Variants in NOX5 observed in about 807,000 individuals in gnomAD.
The protein encoded by NOX5 is NADPH oxidase 5.
Under a neutral mutation model 85.7 loss-of-function variants are expected in NOX5, and 76 were observed. That is an observed-to-expected ratio of 0.89 (90% CI 0.74 to 1.07). NOX5 has a LOEUF of 1.07. Among genes scored for constraint, NOX5 ranks in the 50% least tolerant of loss-of-function variants. The pLI is 0.00. For missense variants in NOX5, 973 were observed against 999.5 expected (o/e 0.97, Z 0.36); for synonymous variants, 405 against 401.4 (o/e 1.01, Z -0.11).
chr15:69,056,801 G>A lies in NOX5; in HGVS notation c.*105G>A. ...CAGCCTCAGATGACCCACCCAATAAGACAAAGCCTAGGGACCCCCTAATCC... is the reference window on the plus strand; with the variant it reads ...CAGCCTCAGATGACCCACCCAATAAAACAAAGCCTAGGGACCCCCTAATCC... On this transcript the variant is annotated 3_prime_UTR_variant, in exon 16 of 16. Coordinates refer to ENST00000388866, the MANE Select transcript of NOX5 (RefSeq NM_024505.4). 1.4e-6 allele frequency: 2 copies of A among 1,429,646 alleles called. No individual in the cohort carries two copies. The highest frequency in any genetic ancestry group is 1.9e-6 in the Non-Finnish European group (2 of 1,062,362). 88.6% of individuals were successfully genotyped at this position (1,429,646 alleles called of 1,614,324 possible).
intron 3 of NOX5, chr15:69,029,698 G>A (rs1251530981): frequency 7.2e-6 from 1 of 138,628 alleles, no homozygotes; most frequent in African/African-American, 2.8e-5. Flanking sequence ...TTTTTTTTCT[G>A]AGATGGAGTC....
chr15:69,039,041 G>A (rs34990910), intron 9 of NOX5, 52 bp downstream of exon 9: 67,015 of 1,595,492 alleles, frequency 0.042, 2,803 homozygotes, highest in East Asian at 0.23. Flanking sequence ...AGTTCCTACC[G>A]TGGGCCAAGT....
chr15:69,040,961 G>A (rs2050587510), intron 9 of NOX5, among the ~76,000 whole-genome samples: 1 of 152,178 alleles, frequency 6.6e-6, no homozygotes, highest in Non-Finnish European at 1.5e-5. Context: ...TGGGATTACA[G>A]GCATAAGCCA....
At position 69,035,393 on chromosome 15, in the gene NOX5, A is replaced by G; in HGVS notation, c.895A>G (p.Thr299Ala). ...LRRCLTWLRATWLAQVLPLDQ... is the reference protein window; with the variant it reads ...LRRCLTWLRAAWLAQVLPLDQ... ...ACGCTGCCTCACCTGGCTGCGGGCC[A>G]CGTGGCTGGCTCAAGTCCTACCACT... The change falls in exon 6 of 16, where the codon ACG becomes GCG. Residue 299 changes from threonine (T) to alanine (A), a missense_variant. Thr to Ala is a moderately conservative substitution (Grantham distance 58). Coordinates refer to ENST00000388866, the MANE Select transcript of NOX5 (RefSeq NM_024505.4). 1.9e-6 allele frequency: 3 copies of G among 1,614,200 alleles called. No homozygotes were observed. The highest frequency in any genetic ancestry group is 1.1e-5 in the South Asian group (1 of 91,084).
At position 69,062,246 on chromosome 15, in the gene NOX5, G is replaced by T. The variant is rs964376611; in HGVS notation, c.*5550G>T. The T allele has an allele frequency of 3.3e-5, 5 of 151,902 alleles. No individual in the cohort carries two copies. The highest frequency in any genetic ancestry group is 7.4e-5 in the Non-Finnish European group (5 of 67,960). 9.4% of individuals were successfully genotyped at this position (151,902 alleles called of 1,614,324 possible). A position where few individuals can be genotyped will look rare whatever the true frequency, so the allele number is the denominator to read the frequency against. ...CCTTAAATTGCCTATTGCCTGAATTGGTGCATCAGAGACAGGCTGGAGAAA... is the reference window on the plus strand; with the variant it reads ...CCTTAAATTGCCTATTGCCTGAATTTGTGCATCAGAGACAGGCTGGAGAAA... On this transcript the variant is annotated 3_prime_UTR_variant, in exon 16 of 16. Transcript: ENST00000388866.
At position 69,057,240 on chromosome 15, in the gene NOX5, T is replaced by C. The variant is rs564293796; in HGVS notation, c.*544T>C. On this transcript the variant is annotated 3_prime_UTR_variant, in exon 16 of 16. Coordinates refer to ENST00000388866, the MANE Select transcript of NOX5 (RefSeq NM_024505.4). Reference sequence around the variant, plus strand: ...AGTTCCTCCTCCCTCTTTCCATCTGTCAATTTATCTGATTTTTTGGATGCA... The same window carrying C: ...AGTTCCTCCTCCCTCTTTCCATCTGCCAATTTATCTGATTTTTTGGATGCA... 6.6e-6 allele frequency: 1 copy of C among 152,458 alleles called. No homozygotes were observed. Among genetic ancestry groups the C allele is most frequent in the Admixed American group, 6.5e-5 (1 of 15,310 alleles). 9.4% of individuals were successfully genotyped at this position (152,458 alleles called of 1,614,324 possible).
chr15:69,033,056 C>T lies in NOX5; in HGVS notation c.634C>T (p.Leu212=), dbSNP rs777941352. ...CCTCTCTCGCAGCGCTGCCCACTGG[C>T]TGACGGCCCCCGCCCCCCGCCCACG... ...ENLTISAAHW[L]TAPAPRPRPR... The change falls in exon 5 of 16, where the codon CTG becomes TTG. Residue 212 remains leucine (L), a synonymous_variant. Coordinates refer to ENST00000388866, the MANE Select transcript of NOX5 (RefSeq NM_024505.4). 4 of 1,554,180 alleles carry T rather than the reference C, an allele frequency of 2.6e-6. No individual in the cohort carries two copies. The highest frequency in any genetic ancestry group is 3.4e-6 in the Non-Finnish European group (4 of 1,164,476).
intron 5 of NOX5, among the ~76,000 whole-genome samples, chr15:69,033,524 GCTGAGCAC>G (rs1482349645): frequency 6.6e-6 from 1 of 152,132 alleles, no homozygotes; most frequent in Non-Finnish European, 1.5e-5. Flanking sequence ...CAGGCACGGT[GCTGAGCAC>G]GCTCCATTTG....
chr15:69,024,662 T>A (rs780803627), intron 1 of NOX5, among the ~76,000 whole-genome samples: 1 of 152,226 alleles, frequency 6.6e-6, no homozygotes, highest in Non-Finnish European at 1.5e-5. Context: ...TGTTAATTTC[T>A]TACTGTAGCT....
chr15:69,035,797 G>A lies in NOX5; in HGVS notation c.1049G>A (p.Trp350Ter), dbSNP rs779817373. ...AQAEASPFQF[W>*]ELLLTTRPGI... Reference sequence around the variant, plus strand: ...GCGGAGGCCAGCCCTTTCCAGTTCTGGGAGCTGCTGCTCACCACGAGGCCT... The same window carrying A: ...GCGGAGGCCAGCCCTTTCCAGTTCTAGGAGCTGCTGCTCACCACGAGGCCT... The change falls in exon 7 of 16, where the codon TGG (tryptophan) becomes TAG (stop). Residue 350 changes from tryptophan (W) to a stop codon, truncating the protein, a stop_gained. Coordinates refer to ENST00000388866, the MANE Select transcript of NOX5 (RefSeq NM_024505.4). LOFTEE classifies it high-confidence loss of function. 5 of 1,614,042 alleles carry A rather than the reference G, an allele frequency of 3.1e-6. No homozygotes were observed. The African/African-American group carries it at 6.7e-5, about 22-fold the overall frequency.
intron 9 of NOX5, among the ~76,000 whole-genome samples, chr15:69,040,239 A>G (rs982849606): frequency 6.6e-6 from 1 of 152,186 alleles, no homozygotes; most frequent in Non-Finnish European, 1.5e-5. Context: ...GGGTGAAGCT[A>G]TTTTCTCCCT....
In NOX5 at chr15:69,048,970, C is replaced by G. The variant is rs2050711247; in HGVS notation, c.1911C>G (p.Ile637Met). 6.2e-7 allele frequency: 1 copy of G among 1,611,830 alleles called. No individual in the cohort carries two copies. Among genetic ancestry groups the G allele is most frequent in the Non-Finnish European group, 8.5e-7 (1 of 1,179,146 alleles). The change falls in exon 14 of 16, where the codon ATC becomes ATG. Residue 637 changes from isoleucine to methionine, a missense_variant. Ile to Met is a conservative substitution (Grantham distance 10, BLOSUM62 1). Transcript: ENST00000388866. Reference protein sequence around the residue: ...DNMKLHKVDFIWINRDQRSFE... With the variant: ...DNMKLHKVDFMWINRDQRSFE... Reference sequence around the variant, plus strand: ...GCCTCTCTCCGTAGGTGGACTTTATCTGGATCAACAGAGACCAGCGGTCTT... The same window carrying G: ...GCCTCTCTCCGTAGGTGGACTTTATGTGGATCAACAGAGACCAGCGGTCTT...
At chr15:69,046,946 G>T (rs1212259984) in intron 11 of NOX5, 80 bp downstream of exon 11, 9 of 1,496,486 alleles carry the variant, frequency 6.0e-6, no homozygotes, top group Non-Finnish European at 7.4e-6. Flanking sequence ...TTAAGGAGGG[G>T]CTGTTGTGGT....
At chr15:69,026,400 T>C (rs2050358344) in intron 1 of NOX5, 128 bp from the exon 2 acceptor site, 2 of 1,124,624 alleles carry the variant, frequency 1.8e-6, no homozygotes, top group Admixed American at 4.6e-5. Context: ...CCAGAACTGA[T>C]TGACCCGATT....
In NOX5 at chr15:69,061,737, G is replaced by A. The variant is rs556319084; in HGVS notation, c.*5041G>A. 3 of 152,148 alleles carry A rather than the reference G, an allele frequency of 2.0e-5. No individual in the cohort carries two copies. The highest frequency in any genetic ancestry group is 2.0e-4 in the Admixed American group (3 of 15,268). 9.4% of individuals were successfully genotyped at this position (152,148 alleles called of 1,614,324 possible). A position where few individuals can be genotyped will look rare whatever the true frequency, so the allele number is the denominator to read the frequency against. ...AGCCACCCAGCCATGGCCCCAAAAG[G>A]GCTGCCCTAATACTACTCAGGGACA... On this transcript the variant is annotated 3_prime_UTR_variant, in exon 16 of 16. Coordinates refer to ENST00000388866, the MANE Select transcript of NOX5 (RefSeq NM_024505.4).
intron 5 of NOX5, among the ~76,000 whole-genome samples, chr15:69,034,209 T>A (rs1308396005): frequency 6.6e-6 from 1 of 152,100 alleles, no homozygotes; most frequent in Non-Finnish European, 1.5e-5. Context: ...TTATTTTAAA[T>A]TTATTTTTAT....
chr15:69,051,536 T>G lies in NOX5; in HGVS notation c.1999+2478T>G, dbSNP rs372798467. Among the ~76,000 whole-genome samples, 147 of 152,218 alleles carry G rather than the reference T, an allele frequency of 9.7e-4. 1 individual carries two copies. Among genetic ancestry groups the G allele is most frequent in the African/African-American group, 3.4e-3 (140 of 41,530 alleles). On this transcript the variant is annotated intron_variant, in intron 14 of 15. Transcript: ENST00000388866. Reference sequence around the variant, plus strand: ...CTGAGAGTACAAGTGTGCGCCACCATGCCCAGCTAATCTCATTTTTTGTAG... The same window carrying G: ...CTGAGAGTACAAGTGTGCGCCACCAGGCCCAGCTAATCTCATTTTTTGTAG...
chr15:69,048,300 AG>A (rs566693638), intron 13 of NOX5, among the ~76,000 whole-genome samples: 106 of 152,356 alleles, frequency 7.0e-4, no homozygotes, highest in African/African-American at 2.3e-3. Context: ...TGGGAGGCCA[AG>A]GCAGGCAGAT....
chr15:69,036,648 C>G (rs1192166025), intron 7 of NOX5, among the ~76,000 whole-genome samples: 2 of 152,172 alleles, frequency 1.3e-5, no homozygotes, highest in Admixed American at 1.3e-4. Flanking sequence ...TCAGAAGGTG[C>G]TAAAATTGTC....
Sources: allele counts gnomAD v4.1 joint callset (sites outside exome capture counted in the v4.1 genomes callset), GRCh38; gene constraint gnomAD v4.1.1; transcripts MANE v1.5; gene names NCBI Gene and HGNC (gene_info 2026-07-23, HGNC 2026-07-21).